The following ARAP2 variants were observed in gnomAD, a reference collection of about 807,000 sequenced individuals.
ARAP2 encodes the protein ArfGAP with RhoGAP domain, ankyrin repeat and PH domain 2, also known as arf-GAP with Rho-GAP domain, ANK repeat and PH domain-containing protein 2.
Under a neutral mutation model 194.5 loss-of-function variants are expected in ARAP2, and 148 were observed. That is an observed-to-expected ratio of 0.76 (90% confidence interval 0.67 to 0.87). The LOEUF (loss-of-function observed/expected upper bound fraction) is 0.87. ARAP2 is among the 40% of genes least tolerant of loss of function. The pLI, the probability that ARAP2 is intolerant of heterozygous loss-of-function variation, is 0.00. For synonymous variants in ARAP2, 695 were observed against 683.5 expected (o/e 1.02, Z -0.26); for missense variants, 2,128 against 1,989.7 (o/e 1.07, Z -1.32).
chr4:36,117,106 T>G lies in ARAP2; in HGVS notation c.3993A>C (p.Glu1331Asp), dbSNP rs747896602. 1.4e-5 allele frequency: 22 copies of G among 1,600,178 alleles called. No homozygotes were observed. Among genetic ancestry groups the G allele is most frequent in the Middle Eastern group, 1.7e-4 (1 of 6,014 alleles). The change falls in exon 25 of 33, where the codon GAA (glutamate) becomes GAC (aspartate). Residue 1331 changes from glutamate to aspartate, a missense_variant. Coordinates refer to ENST00000303965, the MANE Select transcript of ARAP2 (RefSeq NM_015230.4). The stretch of plus-strand genomic sequence containing the variant: ...CGGGTTCCTTCCTTTCTACATATAC[T>G]TCAATTAACAAATCTCCAGCCTGGG... ...QVSQAGDLLI[E>D]VYVERKEPDC...
intron 19 of ARAP2, among the ~76,000 whole-genome samples, chr4:36,136,990 G>A (rs1381844901): frequency 6.6e-6 from 1 of 151,624 alleles, no homozygotes; most frequent in Non-Finnish European, 1.5e-5. Context: ...TCAATGATGT[G>A]TCAAAGGCAA....
At chr4:36,124,994 A>G in intron 21 of ARAP2, 27 bp from the exon 22 acceptor site, 1 of 1,393,914 alleles carries the variant, frequency 7.2e-7, no homozygotes, top group Non-Finnish European at 1.0e-6. Flanking sequence ...AACAATCTTG[A>G]GATCTAAACT....
At chr4:36,158,947 G>C in intron 14 of ARAP2, 83 bp from the exon 15 acceptor site, 1 of 1,239,282 alleles carries the variant, frequency 8.1e-7, no homozygotes, top group Non-Finnish European at 1.1e-6. Context: ...CATGAGTTTT[G>C]AGCTAGAAGA....
chr4:36,087,987 G>C (rs1426040959), intron 28 of ARAP2, among the ~76,000 whole-genome samples: 1 of 152,068 alleles, frequency 6.6e-6, no homozygotes, highest in Admixed American at 6.6e-5. Flanking sequence ...TGGGGTAACT[G>C]TATAGATAAA....
chr4:36,225,368 G>T (rs1294489062), intron 2 of ARAP2, among the ~76,000 whole-genome samples: 1 of 152,078 alleles, frequency 6.6e-6, no homozygotes, highest in Non-Finnish European at 1.5e-5. Context: ...TCCTGCCTGG[G>T]GCACTAAGAA....
At chr4:36,095,607 T>C (rs1714948847) in intron 27 of ARAP2, among the ~76,000 whole-genome samples, 1 of 152,156 alleles carries the variant, frequency 6.6e-6, no homozygotes, top group South Asian at 2.1e-4. Context: ...TAACAGCAAT[T>C]GTATTTCATG....
intron 10 of ARAP2, among the ~76,000 whole-genome samples, chr4:36,166,374 C>CTTT (rs1735291146): frequency 6.6e-6 from 1 of 151,898 alleles, no homozygotes; most frequent in Admixed American, 6.6e-5. Context: ...TTTAAATTAT[C>CTTT]TTTTTCATTG....
intron 12 of ARAP2, 99 bp downstream of exon 12, chr4:36,161,366 C>T (rs757346471): frequency 2.2e-4 from 197 of 887,848 alleles, no homozygotes; most frequent in Non-Finnish European, 3.3e-4. Context: ...CAAACAGCCC[C>T]GAGAAAAATT....
At chr4:36,156,140 G>A (rs949875238) in intron 15 of ARAP2, among the ~76,000 whole-genome samples, 3 of 151,592 alleles carry the variant, frequency 2.0e-5, no homozygotes, top group Non-Finnish European at 4.4e-5. Context: ...AAATTAGCTG[G>A]GTGTGGTGGT....
rs1714315950 is a variant in ARAP2 at position 36,093,464 on chromosome 4, A to T, written c.4286-1444T>A. 2.0e-5 allele frequency among the ~76,000 whole-genome samples: 3 copies of T among 152,154 alleles called. No homozygotes were observed. In the South Asian group the frequency reaches 6.2e-4, roughly 31 times the overall value. On this transcript the variant is annotated intron_variant, in intron 27 of 32. Transcript: ENST00000303965. ...ATGCAATAATTGCTACAATTTATTG[A>T]TTACCTATTAGACATCCACACATTA...
chr4:36,134,937 T>C (rs1001205649), intron 19 of ARAP2, among the ~76,000 whole-genome samples: 1 of 151,748 alleles, frequency 6.6e-6, no homozygotes, highest in Non-Finnish European at 1.5e-5. Context: ...CTGCATCATA[T>C]CACCTTCTGT....
Position 36,117,057 on chromosome 4 carries a change from T to C in ARAP2, c.4038+4A>G, listed in dbSNP as rs771913494. The C allele has an allele frequency of 1.3e-6, 2 of 1,579,650 alleles. No homozygotes were observed. The highest frequency in any genetic ancestry group is 1.7e-6 in the Non-Finnish European group (2 of 1,164,166). Reference sequence around the variant, plus strand: ...TCCTCTTTACATCCACCTTTAGAACTTACCCGAATTATAATACTACAGTCG... The same window carrying C: ...TCCTCTTTACATCCACCTTTAGAACCTACCCGAATTATAATACTACAGTCG... On this transcript the variant is annotated splice_donor_region_variant and intron_variant, in intron 25 of 32. Transcript: ENST00000303965.
At chr4:36,080,972 G>T (rs1729399779) in intron 30 of ARAP2, among the ~76,000 whole-genome samples, 1 of 152,084 alleles carries the variant, frequency 6.6e-6, no homozygotes, top group Non-Finnish European at 1.5e-5. Flanking sequence ...CTTTATAAGA[G>T]GAAAATTTTA....
chr4:36,121,681 TAGG>T (rs1248023802), intron 22 of ARAP2, among the ~76,000 whole-genome samples: 1 of 151,378 alleles, frequency 6.6e-6, no homozygotes, highest in Non-Finnish European at 1.5e-5. Flanking sequence ...GGCTGCAGCA[TAGG>T]AGGAGGAAAT....
intron 5 of ARAP2, among the ~76,000 whole-genome samples, chr4:36,025,035 G>C (rs925352580): frequency 2.0e-5 from 3 of 152,082 alleles, no homozygotes; most frequent in Non-Finnish European, 4.4e-5. Context: ...TATGAGAATT[G>C]TTCTAAGATT....
chr4:36,043,478 T>C (rs1425641216), intron 5 of ARAP2, among the ~76,000 whole-genome samples: 3 of 152,118 alleles, frequency 2.0e-5, no homozygotes, highest in Admixed American at 6.6e-5. Flanking sequence ...TAGCCAACGG[T>C]GTTTGGACTT....
At chr4:36,085,360 T>A (rs1005246078) in intron 28 of ARAP2, among the ~76,000 whole-genome samples, 1 of 152,024 alleles carries the variant, frequency 6.6e-6, no homozygotes, top group African/African-American at 2.4e-5. Flanking sequence ...CTTTTGTCAA[T>A]CTGGAATACA....
Position 36,148,405 on chromosome 4 carries a change from C to A in ARAP2, c.3000G>T (p.Lys1000Asn). 1 of 1,609,746 alleles carries A rather than the reference C, an allele frequency of 6.2e-7. No homozygotes were observed. Among genetic ancestry groups the A allele is most frequent in the Non-Finnish European group, 8.5e-7 (1 of 1,176,784 alleles). Reference protein sequence around the residue: ...AQRKWTEAIAKHFVPLFAENL... With the variant: ...AQRKWTEAIANHFVPLFAENL... ...GAGCAGTAACATAATATTTAAATAC[C>A]TTGGCTATTGCCTCTGTCCATTTTC... Residue 1000 changes from lysine to asparagine, a missense_variant and splice_region_variant, in exon 17 of 33, where the codon AAG becomes AAT. By Grantham distance (94) the Lys-to-Asn change is moderately conservative. Transcript: ENST00000303965.
At chr4:36,121,964 T>TTCAA (rs1722774056) in intron 22 of ARAP2, among the ~76,000 whole-genome samples, 1 of 151,722 alleles carries the variant, frequency 6.6e-6, no homozygotes, top group Admixed American at 6.6e-5. Flanking sequence ...AGTCAACTCT[T>TTCAA]TCAATCAGTA....
Sources: gnomAD v4.1 joint callset for allele counts (sites outside exome capture counted in the v4.1 genomes callset) on GRCh38, gnomAD v4.1.1 for gene constraint, MANE v1.5 for transcripts, NCBI Gene and HGNC (gene_info 2026-07-23, HGNC 2026-07-21) for gene names.